The following LONP1 variants were observed in gnomAD, a reference collection of about 807,000 sequenced individuals.
LONP1 encodes the protein lon protease homolog, mitochondrial.
In LONP1, 31 loss-of-function variants were observed where a neutral mutation model predicts 98.5. The ratio of observed to expected loss-of-function variants is 0.31; its 90% CI spans 0.24 to 0.42. The LOEUF (loss-of-function observed/expected upper bound fraction) is 0.42, where lower values mean the gene tolerates loss of function less well. Ranked by LOEUF, LONP1 falls within the 20% of genes least tolerant of loss-of-function variation. The pLI is 1.00. For synonymous variants in LONP1, 781 were observed against 594.7 expected (o/e 1.31, Z -4.56); for missense variants, 1,336 against 1,350.6 (o/e 0.99, Z 0.17).
chr19:5,720,217 A>G (rs2055419401), upstream of LONP1: 3 of 1,382,956 alleles, frequency 2.2e-6, no homozygotes, highest in South Asian at 1.6e-5. Context: ...GTGCCTCGGT[A>G]CCCGATGGGC....
At chr19:5,694,338 G>T (rs2485256) in intron 15 of LONP1, 49 bp downstream of exon 15, 3 of 1,599,216 alleles carry the variant, frequency 1.9e-6, no homozygotes, top group African/African-American at 1.3e-5. Flanking sequence ...GCTTGTTCTC[G>T]GGTAGAAATG....
At chr19:5,718,975 T>A (rs994770892) in intron 1 of LONP1, among the ~76,000 whole-genome samples, 1 of 152,174 alleles carries the variant, frequency 6.6e-6, no homozygotes, top group African/African-American at 2.4e-5. Flanking sequence ...CCATCCATGC[T>A]CTACTATTTC....
chr19:5,712,338 A>T, intron 3 of LONP1: 2 of 293,252 alleles, frequency 6.8e-6, no homozygotes, highest in South Asian at 4.6e-5. Context: ...GGCCGGGCAC[A>T]GGCTGGTCTC....
chr19:5,716,057 G>C (rs915558227), intron 1 of LONP1, among the ~76,000 whole-genome samples: 1 of 151,198 alleles, frequency 6.6e-6, no homozygotes, highest in African/African-American at 2.4e-5. Context: ...TAATTCACTG[G>C]ACAGACCCTG....
chr19:5,701,076 G>A, intron 8 of LONP1, 149 bp from the exon 9 acceptor site: 1 of 832,970 alleles, frequency 1.2e-6, no homozygotes, highest in South Asian at 1.6e-5. Context: ...CTCTTTGGGA[G>A]GCCCAGGTGG....
intron 13 of LONP1, among the ~76,000 whole-genome samples, chr19:5,695,192 T>TA (rs1427335264): frequency 1.3e-5 from 2 of 152,020 alleles, no homozygotes; most frequent in Non-Finnish European, 2.9e-5. Context: ...GCTGGCCCCA[T>TA]ACACAGACCC....
At chr19:5,705,601 G>A (rs2055131998) in intron 8 of LONP1, among the ~76,000 whole-genome samples, 171 bp downstream of exon 8, 1 of 152,206 alleles carries the variant, frequency 6.6e-6, no homozygotes, top group Non-Finnish European at 1.5e-5. Flanking sequence ...TGGAGATGGT[G>A]ATGATGTGTC....
chr19:5,693,710 C>T lies in LONP1; in HGVS notation c.2380G>A (p.Gly794Ser). Residue 794 changes from glycine to serine, a missense_variant, in exon 16 of 18, where the codon GGT (glycine) becomes AGT (serine). Gly to Ser is a moderately conservative substitution (Grantham distance 56). Coordinates refer to ENST00000360614, the MANE Select transcript of LONP1 (RefSeq NM_004793.4). ...LRRPQDKDAK[G>S]DKDGSLEVTG... is the part of the protein sequence containing the mutation. Reference sequence around the variant, plus strand: ...ACCTCCAGGCTGCCATCCTTGTCACCCTTGGCATCCTTGTCCTGTGGCCGT... The same window carrying T: ...ACCTCCAGGCTGCCATCCTTGTCACTCTTGGCATCCTTGTCCTGTGGCCGT... The T allele has an allele frequency of 6.2e-7, 1 of 1,614,032 alleles. No individual in the cohort carries two copies. Among genetic ancestry groups the T allele is most frequent in the Non-Finnish European group, 8.5e-7 (1 of 1,179,980 alleles).
chr19:5,701,243 A>G (rs1304297697), intron 8 of LONP1, among the ~76,000 whole-genome samples: 2 of 152,226 alleles, frequency 1.3e-5, no homozygotes, highest in African/African-American at 4.8e-5. Flanking sequence ...CAGGAGATCG[A>G]GACCATCCTG....
intron 8 of LONP1, among the ~76,000 whole-genome samples, chr19:5,704,426 G>A (rs920892705): frequency 6.6e-6 from 1 of 152,188 alleles, no homozygotes; most frequent in African/African-American, 2.4e-5. Context: ...GCCTCTCAGG[G>A]CCCTGGGGGA....
intron 8 of LONP1, among the ~76,000 whole-genome samples, chr19:5,704,210 C>G (rs1386305606): frequency 6.6e-6 from 1 of 152,234 alleles, no homozygotes. Flanking sequence ...ATGCGGGCGC[C>G]TCCAGATACT....
In LONP1 at chr19:5,691,895, G is replaced by T; in HGVS notation, c.*137C>A. 1.0e-6 allele frequency: 1 copy of T among 994,456 alleles called. No individual in the cohort carries two copies. The highest frequency in any genetic ancestry group is 1.5e-6 in the Non-Finnish European group (1 of 682,066). 61.6% of individuals were successfully genotyped at this position (994,456 alleles called of 1,614,324 possible). On this transcript the variant is annotated 3_prime_UTR_variant, in exon 18 of 18. Transcript: ENST00000360614. The stretch of plus-strand genomic sequence containing the variant: ...GCCACACTCTGATTAAGCCGACTGA[G>T]GTCCCTGGGATCTGGGTCACTGGAC...
chr19:5,697,648 C>G (rs1046859664), intron 10 of LONP1, among the ~76,000 whole-genome samples: 2 of 151,372 alleles, frequency 1.3e-5, no homozygotes, highest in Admixed American at 1.3e-4. Flanking sequence ...GCAGTGAGAA[C>G]TTGGGCTTTG....
At chr19:5,707,966 C>T in intron 5 of LONP1, 140 bp from the exon 6 acceptor site, 1 of 962,722 alleles carries the variant, frequency 1.0e-6, no homozygotes, top group Non-Finnish European at 1.5e-6. Context: ...TGGGAGCCAG[C>T]TCTGCTGCTT....
chr19:5,692,391 C>T, intron 17 of LONP1, 183 bp from the exon 18 acceptor site: 2 of 563,630 alleles, frequency 3.5e-6, no homozygotes. Context: ...CAAGGCAAAA[C>T]CACTGGCCTT....
At position 5,700,852 on chromosome 19, in the gene LONP1, C is replaced by T. The variant is rs146759309; in HGVS notation, c.1443G>A (p.Ala481=). Residue 481 remains alanine, a synonymous_variant, in exon 9 of 18, where the codon GCG becomes GCA. Transcript: ENST00000360614. ...CTTCCTCCAGCACTGCCTGTGCCCG[C>T]GCCAGGTCCAGGTTCTCGTTGCTGT... ...GKYSNENLDL[A]RAQAVLEEDH... 1,672 of 1,614,204 alleles carry T rather than the reference C, an allele frequency of 1.0e-3. No individual in the cohort carries two copies. Among genetic ancestry groups the T allele is most frequent in the Non-Finnish European group, 1.3e-3 (1,563 of 1,180,026 alleles).
At position 5,691,871 on chromosome 19, in the gene LONP1, C is replaced by G. The variant is rs1237532393; in HGVS notation, c.*161G>C. On this transcript the variant is annotated 3_prime_UTR_variant, in exon 18 of 18. Transcript: ENST00000360614. ...CTTTAATCATTAAATAGCTTCTATG[C>G]CACACTCTGATTAAGCCGACTGAGG... The G allele has an allele frequency of 2.4e-6, 2 of 849,604 alleles. No individual in the cohort carries two copies. Among genetic ancestry groups the G allele is most frequent in the African/African-American group, 3.4e-5 (2 of 59,158 alleles). 52.6% of individuals were successfully genotyped at this position (849,604 alleles called of 1,614,324 possible). A position where few individuals can be genotyped will look rare whatever the true frequency, so the allele number is the denominator to read the frequency against.
At chr19:5,720,294 A>T, upstream of LONP1, 1 of 1,037,318 alleles carries the variant, frequency 9.6e-7, no homozygotes, top group Middle Eastern at 3.3e-4. Context: ...GAGTTCGAGC[A>T]TCGGATCGTC....
chr19:5,693,148 TAA>T, intron 17 of LONP1, 148 bp downstream of exon 17: 1 of 950,948 alleles, frequency 1.1e-6, no homozygotes, highest in South Asian at 1.7e-5. Context: ...GCGGTGAGCT[TAA>T]GGCCAGCTCC....
Sources: gnomAD v4.1 joint callset for allele counts (sites outside exome capture counted in the v4.1 genomes callset) on GRCh38, gnomAD v4.1.1 for gene constraint, MANE v1.5 for transcripts, NCBI Gene and HGNC (gene_info 2026-07-23, HGNC 2026-07-21) for gene names.